The following ZNF335 variants were observed in gnomAD, a reference collection of about 807,000 sequenced individuals.
ZNF335 encodes NRC-interacting factor 1.
ZNF335 carries 84 observed loss-of-function variants against 145.6 expected under a neutral mutation model. That is an observed-to-expected ratio of 0.58 (90% confidence interval 0.48 to 0.69). The LOEUF is 0.69. ZNF335 is among the 30% of genes least tolerant of loss of function. The pLI is 0.00. For synonymous variants in ZNF335, 761 were observed against 717.0 expected (o/e 1.06, Z -0.98); for missense variants, 1,865 against 1,809.7 (o/e 1.03, Z -0.55).
In ZNF335 at chr20:45,949,330, T is replaced by C; in HGVS notation, c.3819+3A>G. 6.2e-7 allele frequency: 1 copy of C among 1,614,100 alleles called. No homozygotes were observed. The highest frequency in any genetic ancestry group is 2.2e-5 in the East Asian group (1 of 44,878). On this transcript the variant is annotated splice_donor_region_variant and intron_variant, in intron 26 of 27. Coordinates refer to ENST00000322927, the MANE Select transcript of ZNF335 (RefSeq NM_022095.4). ...AGGTCTCCCTGTCCCCCCACGGCCCTACCTGGGACTCCTGAAGGAACGGGG... is the reference window on the plus strand; with the variant it reads ...AGGTCTCCCTGTCCCCCCACGGCCCCACCTGGGACTCCTGAAGGAACGGGG...
intron 17 of ZNF335, among the ~76,000 whole-genome samples, chr20:45,956,855 G>A (rs901544177): frequency 1.1e-4 from 17 of 152,248 alleles, no homozygotes; most frequent in African/African-American, 3.6e-4. Context: ...GATACAAGTT[G>A]GGGGAGTCTT....
In ZNF335 at chr20:45,950,070, C is replaced by T. The variant is rs1459632999; in HGVS notation, c.3488-1G>A. The T allele has an allele frequency of 2.5e-6, 4 of 1,613,452 alleles. No homozygotes were observed. The highest frequency in any genetic ancestry group is 3.4e-6 in the Non-Finnish European group (4 of 1,179,776). On this transcript the variant is annotated splice_acceptor_variant, in intron 22 of 27. Coordinates refer to ENST00000322927, the MANE Select transcript of ZNF335 (RefSeq NM_022095.4). LOFTEE classifies it high-confidence loss of function. ...ACCCCGTGACTGGACTGGAGTGCAGCTGGGCAGAGAGGAGAGGATGCTCAC... is the reference window on the plus strand; with the variant it reads ...ACCCCGTGACTGGACTGGAGTGCAGTTGGGCAGAGAGGAGAGGATGCTCAC...
intron 17 of ZNF335, among the ~76,000 whole-genome samples, chr20:45,956,740 C>T (rs530819640): frequency 6.6e-6 from 1 of 152,054 alleles, no homozygotes; most frequent in African/African-American, 2.4e-5. Context: ...AAATCGATCC[C>T]TACCTTTCTG....
At position 45,965,619 on chromosome 20, in the gene ZNF335, A is replaced by G. The variant is rs112458662; in HGVS notation, c.1102+9T>C. ...ACCCACACGAGCCCCTCCCAAGACC[A>G]AGCCTCACCATCTGGGAGGTCTGAG... On this transcript the variant is annotated intron_variant, in intron 7 of 27. Transcript: ENST00000322927. 2,825 of 1,591,476 alleles carry G rather than the reference A, an allele frequency of 1.8e-3. 44 individuals are homozygous for G. In the African/African-American group the frequency reaches 0.034, roughly 19 times the overall value.
intron 2 of ZNF335, 55 bp from the exon 3 acceptor site, chr20:45,969,746 G>A (rs1239260686): frequency 1.9e-6 from 3 of 1,582,172 alleles, no homozygotes; most frequent in Non-Finnish European, 1.7e-6. Context: ...ATGGGGCAGG[G>A]CAGCCTGCCA....
Position 45,959,351 on chromosome 20 carries a change from G to T in ZNF335, c.2103C>A (p.His701Gln), listed in dbSNP as rs139373131. 6.3e-7 allele frequency: 1 copy of T among 1,583,842 alleles called. No homozygotes were observed. Residue 701 changes from histidine to glutamine, a missense_variant, in exon 15 of 28, where the codon CAC becomes CAA. His to Gln is a conservative substitution (Grantham distance 24). Coordinates refer to ENST00000322927, the MANE Select transcript of ZNF335 (RefSeq NM_022095.4). Reference protein sequence around the residue: ...KNLRLHVRCRHASSFEEWGRR... With the variant: ...KNLRLHVRCRQASSFEEWGRR... The stretch of plus-strand genomic sequence containing the variant: ...TCCCCCATTCCTCGAAGCTGCTTGC[G>T]TGTCGGCACCGTACGTGCAGGCGCA...
intron 2 of ZNF335, among the ~76,000 whole-genome samples, chr20:45,970,487 T>G (rs1361665462): frequency 6.6e-6 from 1 of 152,240 alleles, no homozygotes; most frequent in African/African-American, 2.4e-5. Context: ...AAAAACTCTA[T>G]GAGGCAGGTA....
chr20:45,955,683 G>T (rs1568811831), intron 17 of ZNF335, among the ~76,000 whole-genome samples: 1 of 151,890 alleles, frequency 6.6e-6, no homozygotes. Flanking sequence ...AGCCAGGTGT[G>T]GTGACGTGCA....
At chr20:45,971,841 T>TC (rs576045405) in intron 1 of ZNF335, 27,427 of 983,776 alleles carry the variant, frequency 0.028, 421 homozygotes, top group Non-Finnish European at 0.031. Flanking sequence ...AGTGGTTCGC[T>TC]CCCCCCCGGT....
rs201180565 is a variant in ZNF335 at position 45,967,900 on chromosome 20, C to A, written c.648G>T (p.Pro216=). 6 of 1,612,596 alleles carry A rather than the reference C, an allele frequency of 3.7e-6. No homozygotes were observed. Among genetic ancestry groups the A allele is most frequent in the South Asian group, 1.1e-5 (1 of 91,064 alleles). Residue 216 remains proline, a synonymous_variant, in exon 5 of 28, where the codon CCG becomes CCT. Transcript: ENST00000322927. ...CACCGGAGGCTGGGGGCAGCTGCAC[C>A]GGGGAGCTGGGCCCACCCTGTGCCT... ...CLEAQGGPSS[P]VQLPPASGAE... is the part of the protein sequence containing the mutation.
chr20:45,968,043 G>A lies in ZNF335; in HGVS notation c.521-16C>T, dbSNP rs369869668. The A allele has an allele frequency of 2.3e-5, 37 of 1,612,022 alleles. No homozygotes were observed. The highest frequency in any genetic ancestry group is 3.1e-5 in the Non-Finnish European group (36 of 1,179,942). On this transcript the variant is annotated splice_polypyrimidine_tract_variant and intron_variant, in intron 4 of 27. Transcript: ENST00000322927. ...ATGGGGGCTCCTGGGGATGGGTGAGGCAATTGGAGGGTGGTTAAATGGAGG... is the reference window on the plus strand; with the variant it reads ...ATGGGGGCTCCTGGGGATGGGTGAGACAATTGGAGGGTGGTTAAATGGAGG...
intron 17 of ZNF335, among the ~76,000 whole-genome samples, chr20:45,956,979 G>A (rs1309684402): frequency 6.6e-6 from 1 of 152,046 alleles, no homozygotes; most frequent in Non-Finnish European, 1.5e-5. Flanking sequence ...ATGATTTCTG[G>A]AATTCATCAT....
At position 45,965,645 on chromosome 20, in the gene ZNF335, A is replaced by C. The variant is rs757641777; in HGVS notation, c.1085T>G (p.Ile362Ser). Residue 362 changes from isoleucine (I) to serine (S), a missense_variant, in exon 7 of 28, where the codon ATC becomes AGC. Ile to Ser is a moderately radical substitution (Grantham distance 142). Transcript: ENST00000322927. Reference sequence around the variant, plus strand: ...AGCCTCACCATCTGGGAGGTCTGAGATCTCCAGGCGGGGCAGCTTCCGGGG... The same window carrying C: ...AGCCTCACCATCTGGGAGGTCTGAGCTCTCCAGGCGGGGCAGCTTCCGGGG... ...GRPRKLPRLEISDLPDGVEGE... is the reference protein window; with the variant it reads ...GRPRKLPRLESSDLPDGVEGE... 9 of 1,599,154 alleles carry C rather than the reference A, an allele frequency of 5.6e-6. No individual in the cohort carries two copies. The highest frequency in any genetic ancestry group is 7.7e-6 in the Non-Finnish European group (9 of 1,174,098).
In ZNF335 at chr20:45,953,708, C is replaced by G; in HGVS notation, c.2683G>C (p.Ala895Pro). ...TCTCACCTGTAAGGTGTGCCAGGAGCTGATGTTCCCTCCTCCATAGGGGGT... is the reference window on the plus strand; with the variant it reads ...TCTCACCTGTAAGGTGTGCCAGGAGGTGATGTTCCCTCCTCCATAGGGGGT... ...TAPPMEEGTS[A>P]PGTPYSEEPA... Residue 895 changes from alanine (A) to proline (P), a missense_variant, in exon 18 of 28, where the codon GCT becomes CCT. Transcript: ENST00000322927. The G allele has an allele frequency of 1.2e-6, 2 of 1,614,078 alleles. No individual in the cohort carries two copies. The highest frequency in any genetic ancestry group is 1.1e-5 in the South Asian group (1 of 91,088).
rs1457577016 is a variant in ZNF335 at position 45,952,513 on chromosome 20, T to C, written c.2823A>G (p.Ala941=). Residue 941 remains alanine (A), a synonymous_variant, in exon 20 of 28, where the codon GCA becomes GCG. Transcript: ENST00000322927. ...GACTTGGGAAGGAGATGGAGCCATC[T>C]GCGGTGAGCTGTAGAGAGACAGGGA... ...GTQLHHIELT[A]DGSISFPSPD... is the part of the protein sequence containing the mutation. The C allele has an allele frequency of 6.3e-7, 1 of 1,579,230 alleles. No individual in the cohort carries two copies. The highest frequency in any genetic ancestry group is 8.6e-7 in the Non-Finnish European group (1 of 1,159,166).
chr20:45,964,962 CAG>C (rs553484664), intron 7 of ZNF335, among the ~76,000 whole-genome samples: 3 of 151,640 alleles, frequency 2.0e-5, no homozygotes, highest in African/African-American at 7.3e-5. Flanking sequence ...ACCTGGGAGA[CAG>C]GGGTTGCAGT....
rs764271232 is a variant in ZNF335, at chr20:45,948,943, C to A, written c.*10G>T. 6.2e-7 allele frequency: 1 copy of A among 1,613,670 alleles called. No homozygotes were observed. Among genetic ancestry groups the A allele is most frequent in the Non-Finnish European group, 8.5e-7 (1 of 1,180,022 alleles). On this transcript the variant is annotated 3_prime_UTR_variant, in exon 28 of 28. Transcript: ENST00000322927. Reference sequence around the variant, plus strand: ...CCGCAAATCCATGATCTGTGTTGGGCCCTCGGGGCTCAGTCATCGGCCAGG... The same window carrying A: ...CCGCAAATCCATGATCTGTGTTGGGACCTCGGGGCTCAGTCATCGGCCAGG...
At position 45,963,954 on chromosome 20, in the gene ZNF335, C is replaced by T. The variant is rs2083902824; in HGVS notation, c.1139G>A (p.Gly380Glu). 1.9e-6 allele frequency: 3 copies of T among 1,538,570 alleles called. No individual in the cohort carries two copies. The highest frequency in any genetic ancestry group is 2.8e-5 in the African/African-American group (2 of 72,478). The change falls in exon 8 of 28, where the codon GGA (glycine) becomes GAA (glutamate). Residue 380 changes from glycine (G) to glutamate (E), a missense_variant. Gly to Glu is a moderately conservative substitution (Grantham distance 98). Coordinates refer to ENST00000322927, the MANE Select transcript of ZNF335 (RefSeq NM_022095.4). ...EGEPLVSSQS[G>E]QSPPEPQDPE... ...ATCCTGTGGCTCTGGAGGGCTCTGT[C>T]CACTCTGGGAACTCACTAGAGGCTC...
intron 14 of ZNF335, 88 bp from the exon 15 acceptor site, chr20:45,959,521 CAACT>C: frequency 1.0e-6 from 1 of 1,000,606 alleles, no homozygotes; most frequent in Non-Finnish European, 1.4e-6. Flanking sequence ...AGGATCTCTC[CAACT>C]GACTGACTTC....
Sources: allele counts gnomAD v4.1 joint callset (sites outside exome capture counted in the v4.1 genomes callset), GRCh38; gene constraint gnomAD v4.1.1; transcripts MANE v1.5; gene names NCBI Gene and HGNC (gene_info 2026-07-23, HGNC 2026-07-21).